MYO3A: variants seen among roughly 807,000 people sequenced by gnomAD.
MYO3A encodes myosin IIIA.
MYO3A carries 180 observed loss-of-function variants against 192.7 expected under a neutral mutation model. That is an observed-to-expected ratio of 0.93 (90% CI 0.83 to 1.06). MYO3A has a LOEUF of 1.06. Among genes scored for constraint, MYO3A ranks in the 50% least tolerant of loss-of-function variants. The pLI is 0.00. For missense variants in MYO3A, 1,896 were observed against 1,905.0 expected, an observed-to-expected ratio of 1.00 and a Z score of 0.09; for synonymous variants, 628 against 645.3, an observed-to-expected ratio of 0.97 and a Z score of 0.41.
chr10:26,067,508 G>C (rs929383845), intron 11 of MYO3A, among the ~76,000 whole-genome samples: 3 of 152,142 alleles, frequency 2.0e-5, no homozygotes, highest in Non-Finnish European at 2.9e-5. Context: ...TCCTGTTTCA[G>C]CTCTTAGTGG....
intron 12 of MYO3A, among the ~76,000 whole-genome samples, chr10:26,069,117 T>C (rs1372597920): frequency 1.3e-5 from 2 of 152,114 alleles, no homozygotes; most frequent in Non-Finnish European, 2.9e-5. Context: ...CATTCAGTTA[T>C]TGGTAACGGC....
At chr10:25,950,447 A>G (rs1406362673) in intron 2 of MYO3A, among the ~76,000 whole-genome samples, 1 of 152,210 alleles carries the variant, frequency 6.6e-6, no homozygotes, top group Non-Finnish European at 1.5e-5. Context: ...CAGGGAATAT[A>G]CAAACAACAG....
chr10:26,057,636 AG>A (rs2131321469), intron 10 of MYO3A, among the ~76,000 whole-genome samples: 1 of 152,328 alleles, frequency 6.6e-6, no homozygotes, highest in Non-Finnish European at 1.5e-5. Context: ...GTAGACTTCA[AG>A]GTCCAGTGGA....
intron 2 of MYO3A, among the ~76,000 whole-genome samples, chr10:25,950,643 A>G (rs1056705542): frequency 3.9e-5 from 6 of 152,184 alleles, no homozygotes; most frequent in Non-Finnish European, 5.9e-5. Context: ...AAAGGGAGGA[A>G]CAAGAGTGTT....
rs199625978 is a variant in MYO3A at position 26,166,059 on chromosome 10, A to T, written c.3000-8A>T. ...GCAATACTAACCAGCCCTTTTTTCC[A>T]TTCCAAGGTACTACCTTCTCTGCTA... On this transcript the variant is annotated splice_region_variant and splice_polypyrimidine_tract_variant and intron_variant, in intron 26 of 34. Coordinates refer to ENST00000642920, the MANE Select transcript of MYO3A (RefSeq NM_017433.5). The T allele has an allele frequency of 8.7e-6, 14 of 1,612,686 alleles. No individual in the cohort carries two copies. The highest frequency in any genetic ancestry group is 1.2e-5 in the Non-Finnish European group (14 of 1,178,690).
chr10:26,169,679 A>G (rs1336300870), intron 28 of MYO3A, among the ~76,000 whole-genome samples: 1 of 152,178 alleles, frequency 6.6e-6, no homozygotes, highest in Non-Finnish European at 1.5e-5. Context: ...TAACATTCCA[A>G]TCCCCGTTCT....
rs1838099245 is a variant in MYO3A, at chr10:26,110,514, T to A, written c.1777-10162T>A. On this transcript the variant is annotated intron_variant, in intron 17 of 34. Coordinates refer to ENST00000642920, the MANE Select transcript of MYO3A (RefSeq NM_017433.5). ...CCCATCTCCCTCCCTCCAAAAAAAA[T>A]TAAGCAGCAAAGGTTGTCAGGATGT... Among the ~76,000 whole-genome samples the A allele has an allele frequency of 2.0e-5, 3 of 152,174 alleles. No homozygotes were observed. The South Asian group carries it at 6.2e-4, about 32-fold the overall frequency.
chr10:26,198,471 T>C (rs1319369941), intron 32 of MYO3A, among the ~76,000 whole-genome samples: 1 of 152,232 alleles, frequency 6.6e-6, no homozygotes, highest in Non-Finnish European at 1.5e-5. Flanking sequence ...AATTTTATTA[T>C]TCTTTCCAGT....
At position 25,997,438 on chromosome 10, in the gene MYO3A, G is replaced by A. The variant is rs7911700; in HGVS notation, c.508+180G>A. Among the ~76,000 whole-genome samples, 46,588 of 152,056 alleles carry A rather than the reference G, an allele frequency of 0.31. 7,718 individuals carry two copies. Among genetic ancestry groups the A allele is most frequent in the Middle Eastern group, 0.45 (132 of 294 alleles). ...AAATGAGAGATTCCCAGAAGAAAGGGTAACTTCTTTCAAGTCAGCTAGTTT... is the reference window on the plus strand; with the variant it reads ...AAATGAGAGATTCCCAGAAGAAAGGATAACTTCTTTCAAGTCAGCTAGTTT... On this transcript the variant is annotated intron_variant, in intron 6 of 34. Coordinates refer to ENST00000642920, the MANE Select transcript of MYO3A (RefSeq NM_017433.5).
At chr10:25,979,212 A>G (rs1467477016) in intron 4 of MYO3A, among the ~76,000 whole-genome samples, 4 of 152,208 alleles carry the variant, frequency 2.6e-5, no homozygotes, top group African/African-American at 9.6e-5. Context: ...GAATTAGAGT[A>G]CAGTGTTTGC....
At chr10:25,965,456 G>T (rs573969479) in intron 4 of MYO3A, among the ~76,000 whole-genome samples, 1 of 152,030 alleles carries the variant, frequency 6.6e-6, no homozygotes, top group Non-Finnish European at 1.5e-5. Flanking sequence ...TCTCCTCAGG[G>T]GGAAGGGAGG....
intron 9 of MYO3A, 58 bp downstream of exon 9, chr10:26,024,145 C>T: frequency 6.8e-7 from 1 of 1,460,432 alleles, no homozygotes. Flanking sequence ...ATAACTAAAT[C>T]TCCTCCTATT....
intron 7 of MYO3A, among the ~76,000 whole-genome samples, chr10:26,019,541 C>T (rs1015380134): frequency 6.6e-6 from 1 of 152,204 alleles, no homozygotes; most frequent in Non-Finnish European, 1.5e-5. Context: ...TGGTCTCGAT[C>T]TACTGACCTT....
intron 18 of MYO3A, 103 bp downstream of exon 18, chr10:26,120,905 A>G: frequency 6.9e-7 from 1 of 1,439,286 alleles, no homozygotes. Context: ...CTAACCTAGA[A>G]TCCTTAAAAG....
At chr10:26,132,012 A>G (rs535620835) in intron 20 of MYO3A, among the ~76,000 whole-genome samples, 1 of 152,346 alleles carries the variant, frequency 6.6e-6, no homozygotes, top group East Asian at 1.9e-4. Context: ...ACATTCGTAC[A>G]CCATTATTGT....
chr10:26,091,853 T>G (rs1268029180), intron 15 of MYO3A, among the ~76,000 whole-genome samples: 1 of 152,190 alleles, frequency 6.6e-6, no homozygotes, highest in African/African-American at 2.4e-5. Context: ...CATGCATCCA[T>G]CCAGCCATCC....
chr10:26,106,998 C>A (rs1179375809), intron 17 of MYO3A, among the ~76,000 whole-genome samples: 1 of 151,350 alleles, frequency 6.6e-6, no homozygotes, highest in Non-Finnish European at 1.5e-5. Flanking sequence ...TTTTCTTTGG[C>A]CTATGTGAGT....
At chr10:25,971,187 A>G (rs1838618879) in intron 4 of MYO3A, among the ~76,000 whole-genome samples, 2 of 152,092 alleles carry the variant, frequency 1.3e-5, no homozygotes, top group Admixed American at 1.3e-4. Context: ...TAATGTTTCC[A>G]GTTCTTTTAG....
At chr10:25,942,077 C>G (rs925678136) in intron 2 of MYO3A, among the ~76,000 whole-genome samples, 3 of 151,040 alleles carry the variant, frequency 2.0e-5, no homozygotes, top group Admixed American at 1.3e-4. Context: ...GTTCAGATCA[C>G]TGCAATCTCT....
Sources: allele counts gnomAD v4.1 joint callset (sites outside exome capture counted in the v4.1 genomes callset), GRCh38; gene constraint gnomAD v4.1.1; transcripts MANE v1.5; gene names NCBI Gene and HGNC (gene_info 2026-07-23, HGNC 2026-07-21).